The following CHODL variants were observed in gnomAD, a reference collection of about 807,000 sequenced individuals.
CHODL encodes the protein transmembrane protein MT75.
A neutral mutation model predicts 34.5 loss-of-function variants in CHODL; 29 were observed. The ratio of observed to expected loss-of-function variants is 0.84; its 90% confidence interval spans 0.63 to 1.15. The LOEUF (loss-of-function observed/expected upper bound fraction) is 1.15, where lower values mean the gene tolerates loss of function less well. CHODL is among the 50% of genes most tolerant of loss of function. The pLI, the probability that CHODL is intolerant of heterozygous loss-of-function variation, is 0.00. For missense variants in CHODL, 332 were observed against 332.5 expected (o/e 1.00, Z 0.01); for synonymous variants, 125 against 116.1 (o/e 1.08, Z -0.49).
intron 2 of CHODL, among the ~76,000 whole-genome samples, chr21:18,119,272 T>C (rs2065450815): frequency 6.6e-6 from 1 of 151,812 alleles, no homozygotes. Flanking sequence ...ATCTAGTATC[T>C]GTTCCAGATC....
rs140302760 is a variant in CHODL at position 17,918,174 on chromosome 21, A to G, written c.-145+774A>G. Among the ~76,000 whole-genome samples, 148 of 152,122 alleles carry G rather than the reference A, an allele frequency of 9.7e-4. 1 individual carries two copies. Among genetic ancestry groups the G allele is most frequent in the African/African-American group, 3.1e-3 (129 of 41,488 alleles). On this transcript the variant is annotated intron_variant, in intron 1 of 6. Transcript: ENST00000400127. Reference sequence around the variant, plus strand: ...AAACTGGGGGTGAGGGGGGTTTTCAAGTTTGATGAGGGGTTGAAATATTTT... The same window carrying G: ...AAACTGGGGGTGAGGGGGGTTTTCAGGTTTGATGAGGGGTTGAAATATTTT...
intron 2 of CHODL, among the ~76,000 whole-genome samples, chr21:18,229,394 G>A (rs2146752339): frequency 6.6e-6 from 1 of 152,214 alleles, no homozygotes; most frequent in Middle Eastern, 3.4e-3. Context: ...GAGTGCATTA[G>A]GTGTGTTCGA....
At chr21:18,111,148 C>T (rs1413886776) in intron 2 of CHODL, among the ~76,000 whole-genome samples, 1 of 152,152 alleles carries the variant, frequency 6.6e-6, no homozygotes, top group Non-Finnish European at 1.5e-5. Flanking sequence ...ATTTCTGCAA[C>T]AGGACATACA....
At chr21:18,107,348 C>G (rs570092533) in intron 2 of CHODL, among the ~76,000 whole-genome samples, 55 of 152,294 alleles carry the variant, frequency 3.6e-4, no homozygotes, top group African/African-American at 9.4e-4. Context: ...TGTCTCTACT[C>G]AAACAGCAGA....
intron 4 of CHODL, among the ~76,000 whole-genome samples, chr21:18,260,954 CA>C (rs1376121199): frequency 6.6e-6 from 1 of 152,092 alleles, no homozygotes; most frequent in African/African-American, 2.4e-5. Flanking sequence ...GGAGAGCAAA[CA>C]GGGGTGGGCT....
chr21:18,245,871 C>T (rs577484944), intron 1 of CHODL: 85 of 1,530,998 alleles, frequency 5.6e-5, no homozygotes, highest in Non-Finnish European at 7.1e-5. Flanking sequence ...GATGCCTTTC[C>T]TTTGCACACT....
At chr21:18,100,592 A>C (rs1340522981) in intron 2 of CHODL, among the ~76,000 whole-genome samples, 1 of 152,166 alleles carries the variant, frequency 6.6e-6, no homozygotes, top group African/African-American at 2.4e-5. Context: ...GAAGAACTAC[A>C]AAAAGAAACA....
At chr21:18,163,363 A>C (rs538589935) in intron 2 of CHODL, among the ~76,000 whole-genome samples, 4 of 152,214 alleles carry the variant, frequency 2.6e-5, no homozygotes, top group African/African-American at 9.6e-5. Flanking sequence ...GACTGAAAAC[A>C]TTTGGAAATA....
At chr21:18,234,302 A>G (rs1232722266) in intron 2 of CHODL, among the ~76,000 whole-genome samples, 1 of 152,078 alleles carries the variant, frequency 6.6e-6, no homozygotes, top group Non-Finnish European at 1.5e-5. Flanking sequence ...TTGGAAGGTT[A>G]TCAGGTGACT....
At chr21:18,241,474 T>C (rs1008264977), upstream of CHODL, among the ~76,000 whole-genome samples, 1 of 152,174 alleles carries the variant, frequency 6.6e-6, no homozygotes, top group African/African-American at 2.4e-5. Context: ...TTGTAATAAT[T>C]TTAAACATTG....
intron 2 of CHODL, among the ~76,000 whole-genome samples, chr21:18,210,100 G>A (rs2073757033): frequency 6.6e-6 from 1 of 152,166 alleles, no homozygotes; most frequent in Non-Finnish European, 1.5e-5. Flanking sequence ...TGCCTTTCAA[G>A]TTTATTTAGC....
intron 1 of CHODL, among the ~76,000 whole-genome samples, chr21:18,004,250 T>C (rs2063938637): frequency 6.6e-6 from 1 of 152,246 alleles, no homozygotes; most frequent in African/African-American, 2.4e-5. Context: ...TATTGGATAA[T>C]GTAATAGACA....
At chr21:17,950,844 T>C (rs1460083687) in intron 1 of CHODL, among the ~76,000 whole-genome samples, 1 of 152,052 alleles carries the variant, frequency 6.6e-6, no homozygotes, top group Non-Finnish European at 1.5e-5. Flanking sequence ...AAGTGCAGAC[T>C]GGAAAAAAGT....
intron 1 of CHODL, among the ~76,000 whole-genome samples, chr21:17,931,669 A>C (rs981460097): frequency 5.9e-5 from 9 of 152,362 alleles, no homozygotes; most frequent in African/African-American, 2.2e-4. Context: ...ACAATGTAGC[A>C]TATGAAAGAA....
chr21:17,983,502 G>A (rs188274780), intron 1 of CHODL, among the ~76,000 whole-genome samples: 5 of 152,214 alleles, frequency 3.3e-5, no homozygotes, highest in African/African-American at 1.2e-4. Context: ...CTCAGTACTT[G>A]AGACAGCTAA....
intron 2 of CHODL, among the ~76,000 whole-genome samples, chr21:18,085,634 A>G (rs1009399001): frequency 3.3e-5 from 5 of 152,148 alleles, no homozygotes. Flanking sequence ...AAGATACGCA[A>G]TTCTTGGTGG....
At chr21:18,080,925 G>A (rs905448557) in intron 2 of CHODL, among the ~76,000 whole-genome samples, 1 of 152,102 alleles carries the variant, frequency 6.6e-6, no homozygotes, top group Non-Finnish European at 1.5e-5. Flanking sequence ...ATTGCTTTGG[G>A]CAGTATGGTC....
At chr21:18,253,424 G>A (rs897376402) in intron 1 of CHODL, among the ~76,000 whole-genome samples, 13 of 151,976 alleles carry the variant, frequency 8.6e-5, no homozygotes, top group Non-Finnish European at 1.5e-4. Flanking sequence ...TTCTTGGAGT[G>A]AAAAATCGAA....
At chr21:18,124,175 C>T (rs2065514517) in intron 2 of CHODL, among the ~76,000 whole-genome samples, 2 of 152,162 alleles carry the variant, frequency 1.3e-5, no homozygotes, top group Admixed American at 6.5e-5. Context: ...CGTTCTGTTC[C>T]TCTGGACTGT....
Sources: gnomAD v4.1 joint callset for allele counts (sites outside exome capture counted in the v4.1 genomes callset) on GRCh38, gnomAD v4.1.1 for gene constraint, MANE v1.5 for transcripts, NCBI Gene and HGNC (gene_info 2026-07-23, HGNC 2026-07-21) for gene names.